The following SUPT3H variants were observed in gnomAD, a reference collection of about 807,000 sequenced individuals.
SUPT3H encodes transcription initiation protein SPT3 homolog.
A neutral mutation model predicts 44.3 loss-of-function variants in SUPT3H; 44 were observed. The observed-to-expected ratio is 0.99, with a 90% CI of 0.78 to 1.28. SUPT3H has a LOEUF of 1.28. SUPT3H is among the 50% of genes most tolerant of loss of function. SUPT3H has a pLI of 0.00. For missense variants in SUPT3H, 380 were observed against 387.1 expected, an observed-to-expected ratio of 0.98 and a Z score of 0.15; for synonymous variants, 124 against 125.6, an observed-to-expected ratio of 0.99 and a Z score of 0.09.
At chr6:44,964,431 A>G (rs1009080459) in intron 6 of SUPT3H, among the ~76,000 whole-genome samples, 4 of 151,642 alleles carry the variant, frequency 2.6e-5, no homozygotes, top group African/African-American at 9.7e-5. Flanking sequence ...CAAGTTGGAC[A>G]ACCAAGATTT....
At chr6:44,889,765 A>T (rs1582258881) in intron 10 of SUPT3H, among the ~76,000 whole-genome samples, 1 of 152,284 alleles carries the variant, frequency 6.6e-6, no homozygotes, top group East Asian at 1.9e-4. Flanking sequence ...GACAAATGGG[A>T]TCTAATTAAA....
At chr6:44,979,341 T>C (rs568337328) in intron 6 of SUPT3H, among the ~76,000 whole-genome samples, 16 of 152,310 alleles carry the variant, frequency 1.1e-4, no homozygotes, top group African/African-American at 3.6e-4. Context: ...TCTTCAACCA[T>C]TTGATAGGTT....
chr6:45,350,203 T>C (rs1204470484), intron 2 of SUPT3H, among the ~76,000 whole-genome samples: 2 of 152,204 alleles, frequency 1.3e-5, no homozygotes, highest in Non-Finnish European at 2.9e-5. Flanking sequence ...GTTTGTTTTA[T>C]TCACTGCTAT....
chr6:44,884,688 G>A (rs981093627), intron 10 of SUPT3H, among the ~76,000 whole-genome samples: 1 of 152,168 alleles, frequency 6.6e-6, no homozygotes, highest in African/African-American at 2.4e-5. Flanking sequence ...CATGAGCAAT[G>A]CAGAAGACGG....
intron 6 of SUPT3H, among the ~76,000 whole-genome samples, chr6:44,987,889 G>T (rs1780038590): frequency 6.6e-6 from 1 of 152,124 alleles, no homozygotes; most frequent in Non-Finnish European, 1.5e-5. Context: ...CAAAAAGTCT[G>T]AAGAGAGGAA....
intron 2 of SUPT3H, among the ~76,000 whole-genome samples, chr6:45,301,717 GT>G (rs1252373163): frequency 6.6e-6 from 1 of 152,134 alleles, no homozygotes; most frequent in Non-Finnish European, 1.5e-5. Context: ...GATCATTTTA[GT>G]TTATCAATCT....
chr6:44,843,917 A>G (rs1292796198), intron 10 of SUPT3H, among the ~76,000 whole-genome samples: 2 of 47,930 alleles, frequency 4.2e-5, no homozygotes, highest in African/African-American at 1.4e-4. Context: ...ACACACACAC[A>G]CACACACACG....
Position 45,090,842 on chromosome 6 carries a change from T to C in SUPT3H, c.186+15080A>G, listed in dbSNP as rs114229254. On this transcript the variant is annotated intron_variant, in intron 3 of 10. Transcript: ENST00000371459. ...CTATATGTGAACCATAAACATTTTA[T>C]TAGGAATACAGTTATTTTACTTCTT... Among the ~76,000 whole-genome samples the C allele has an allele frequency of 8.7e-3, 1,326 of 152,028 alleles. 30 individuals carry two copies. Among genetic ancestry groups the C allele is most frequent in the African/African-American group, 0.03 (1,263 of 41,568 alleles).
At chr6:45,022,404 T>C (rs1365959813) in intron 3 of SUPT3H, among the ~76,000 whole-genome samples, 1 of 126,000 alleles carries the variant, frequency 7.9e-6, no homozygotes, top group Non-Finnish European at 1.6e-5. Context: ...AGTTGAACAT[T>C]TGGAATCACT....
intron 2 of SUPT3H, among the ~76,000 whole-genome samples, chr6:45,318,983 C>T (rs1785095193): frequency 1.3e-5 from 2 of 151,924 alleles, no homozygotes; most frequent in Admixed American, 6.6e-5. Flanking sequence ...TTAAATATTT[C>T]CCAGTCTTTC....
chr6:44,881,215 AG>A (rs1468003617), intron 10 of SUPT3H, among the ~76,000 whole-genome samples: 6 of 152,044 alleles, frequency 3.9e-5, no homozygotes, highest in Admixed American at 6.6e-5. Flanking sequence ...GCAAATGGAA[AG>A]CAAAAAAAAG....
chr6:45,281,815 T>C (rs1001073407), intron 2 of SUPT3H, among the ~76,000 whole-genome samples: 1 of 152,208 alleles, frequency 6.6e-6, no homozygotes, highest in East Asian at 1.9e-4. Context: ...GATACCCGAA[T>C]AGCCTAACTG....
intron 2 of SUPT3H, among the ~76,000 whole-genome samples, chr6:45,331,100 G>T (rs1787385019): frequency 7.2e-6 from 1 of 138,368 alleles, no homozygotes; most frequent in Non-Finnish European, 1.6e-5. Flanking sequence ...CAAATACAAT[G>T]AGTGGTGTGT....
At chr6:44,872,565 C>T (rs1357851416) in intron 10 of SUPT3H, among the ~76,000 whole-genome samples, 8 of 151,962 alleles carry the variant, frequency 5.3e-5, no homozygotes, top group African/African-American at 1.2e-4. Context: ...TAAAGACCAT[C>T]GAGGCTAGGA....
chr6:44,814,087 G>C (rs1205159709), intron 11 of SUPT3H, among the ~76,000 whole-genome samples: 1 of 152,096 alleles, frequency 6.6e-6, no homozygotes, highest in Non-Finnish European at 1.5e-5. Context: ...AGCATCCAGA[G>C]AAAAGCAGGC....
intron 10 of SUPT3H, among the ~76,000 whole-genome samples, chr6:44,913,166 T>G (rs1194714613): frequency 1.3e-5 from 2 of 152,202 alleles, no homozygotes; most frequent in Admixed American, 1.3e-4. Flanking sequence ...CTCATCTCTA[T>G]CTGCATAATG....
chr6:45,154,404 G>A (rs569318050), intron 2 of SUPT3H, among the ~76,000 whole-genome samples: 2 of 152,196 alleles, frequency 1.3e-5, no homozygotes, highest in South Asian at 2.1e-4. Flanking sequence ...TGCCAGTGTT[G>A]TGGCTCAGAA....
chr6:45,271,250 G>C (rs1296847682), intron 2 of SUPT3H, among the ~76,000 whole-genome samples: 1 of 152,296 alleles, frequency 6.6e-6, no homozygotes, highest in Non-Finnish European at 1.5e-5. Flanking sequence ...CCAAGATAAT[G>C]AGCAAAATGT....
chr6:45,300,325 T>G (rs1009229877), intron 2 of SUPT3H, among the ~76,000 whole-genome samples: 1 of 152,204 alleles, frequency 6.6e-6, no homozygotes, highest in South Asian at 2.1e-4. Context: ...CTCTCACAAG[T>G]TGATTCTCAC....
Sources: allele counts gnomAD v4.1 joint callset (sites outside exome capture counted in the v4.1 genomes callset), GRCh38; gene constraint gnomAD v4.1.1; transcripts MANE v1.5; gene names NCBI Gene and HGNC (gene_info 2026-07-23, HGNC 2026-07-21).